The following LPIN1 variants were observed in gnomAD, a reference collection of about 807,000 sequenced individuals.
LPIN1 encodes the protein phosphatidate phosphatase LPIN1.
Under a neutral mutation model 107.5 loss-of-function variants are expected in LPIN1, and 71 were observed. The ratio of observed to expected loss-of-function variants is 0.66; its 90% CI spans 0.55 to 0.80. The LOEUF is 0.80. Ranked by LOEUF, LPIN1 falls within the 30% of genes least tolerant of loss-of-function variation. The pLI is 0.00. For missense variants in LPIN1, 1,043 were observed against 1,160.6 expected, an observed-to-expected ratio of 0.90 and a Z score of 1.47; for synonymous variants, 445 against 452.6, an observed-to-expected ratio of 0.98 and a Z score of 0.21.
chr2:11,693,226 G>A (rs1662360875), intron 1 of LPIN1, among the ~76,000 whole-genome samples: 1 of 141,472 alleles, frequency 7.1e-6, no homozygotes, highest in African/African-American at 2.8e-5. Context: ...TTTTTGAGAT[G>A]ATGGAATCCT....
intron 1 of LPIN1, among the ~76,000 whole-genome samples, chr2:11,684,392 G>C (rs934173077): frequency 1.2e-4 from 19 of 152,070 alleles, no homozygotes; most frequent in Admixed American, 9.8e-4. Flanking sequence ...TGCCCAAACT[G>C]ATCTTGAACT....
At chr2:11,760,800 G>C (rs563936774) in intron 1 of LPIN1, among the ~76,000 whole-genome samples, 1 of 152,142 alleles carries the variant, frequency 6.6e-6, no homozygotes, top group Non-Finnish European at 1.5e-5. Context: ...ACAGTAGTTC[G>C]TAGATGTGCT....
chr2:11,814,991 T>A (rs1459300710), intron 17 of LPIN1, 97 bp from the exon 18 acceptor site: 9 of 1,168,738 alleles, frequency 7.7e-6, no homozygotes, highest in Middle Eastern at 1.9e-4. Context: ...CTTGAAACAG[T>A]GCCATTCTCC....
rs1558297645 is a variant in LPIN1 at position 11,814,511 on chromosome 2, C to CGT, written c.2250-577_2250-576insGT. On this transcript the variant is annotated intron_variant, in intron 17 of 20. Transcript: ENST00000674199. The stretch of plus-strand genomic sequence containing the variant: ...GACTAAGGATGTTTTGGTGTGTGTG[C>CGT]ATGTGTGTGTGTGTGTGTGTGTGTG... Among the ~76,000 whole-genome samples, 20 of 94,934 alleles carry CGT rather than the reference C, an allele frequency of 2.1e-4. No homozygotes were observed. In the Middle Eastern group the frequency reaches 0.015, roughly 71 times the overall value. The allele number at this position is 94,934 out of a possible 152,430, so 62.3% of individuals were successfully genotyped here.
chr2:11,740,807 C>A (rs1265915923), intron 1 of LPIN1, among the ~76,000 whole-genome samples: 1 of 151,866 alleles, frequency 6.6e-6, no homozygotes, highest in African/African-American at 2.4e-5. Context: ...AATTTGAAGC[C>A]ATCTTCCCAG....
At chr2:11,817,944 A>C (rs955940207) in intron 18 of LPIN1, 1 of 150,358 alleles carries the variant, frequency 6.7e-6, no homozygotes. Flanking sequence ...AAAAAAAAAA[A>C]AAAAAAAAAA....
rs1027203597 is a variant in LPIN1, at chr2:11,697,215, A to G, written c.82-16541A>G. The stretch of plus-strand genomic sequence containing the variant: ...TGCCACTCAAATAGGCAGCCCTGCA[A>G]TCGGAGGGCTGCGTGCTCCCCCTGA... On this transcript the variant is annotated intron_variant, in intron 1 of 21. Coordinates refer to the LPIN1 transcript ENST00000449576. This position sits in a 1 kb window ranked among gnomAD's most constrained non-coding sequence, Gnocchi z 4.6. Among the ~76,000 whole-genome samples the G allele has an allele frequency of 2.0e-5, 3 of 152,188 alleles. No homozygotes were observed. Among genetic ancestry groups the G allele is most frequent in the African/African-American group, 7.2e-5 (3 of 41,456 alleles).
intron 8 of LPIN1, among the ~76,000 whole-genome samples, chr2:11,782,978 T>G (rs1226612068): frequency 1.3e-5 from 2 of 152,254 alleles, no homozygotes; most frequent in African/African-American, 4.8e-5. Flanking sequence ...ATGTGCTGTC[T>G]GAGATCAAGA....
intron 1 of LPIN1, among the ~76,000 whole-genome samples, chr2:11,748,656 G>A (rs1045700925): frequency 6.6e-6 from 1 of 152,172 alleles, no homozygotes; most frequent in East Asian, 1.9e-4. Flanking sequence ...AATCATCCCT[G>A]TGGGACACCC....
chr2:11,748,614 C>T (rs1276059023), intron 1 of LPIN1, among the ~76,000 whole-genome samples: 1 of 152,198 alleles, frequency 6.6e-6, no homozygotes, highest in Non-Finnish European at 1.5e-5. Flanking sequence ...GGGGTTGGGA[C>T]AGTCCTGGCT....
chr2:11,678,252 C>G (rs183407783), intron 1 of LPIN1, among the ~76,000 whole-genome samples: 183 of 152,328 alleles, frequency 1.2e-3, no homozygotes, highest in South Asian at 1.2e-3. Flanking sequence ...AGATCTCATC[C>G]TAGCAGCCAA....
In LPIN1 at chr2:11,693,126, G is replaced by A. The variant is rs1397045102; in HGVS notation, c.81+15398G>A. Among the ~76,000 whole-genome samples the A allele has an allele frequency of 4.6e-5, 7 of 152,200 alleles. No individual in the cohort carries two copies. The South Asian group carries it at 8.3e-4, about 18-fold the overall frequency. On this transcript the variant is annotated intron_variant, in intron 1 of 21. Coordinates refer to the LPIN1 transcript ENST00000449576. ...AGAGAGTCGGAGAAATAGAAAAGGC[G>A]GGGCACTCGTCCTCAAGGTCCCAGC... is the stretch of plus-strand genomic sequence containing the variant.
chr2:11,789,379 G>T (rs888081694), intron 12 of LPIN1, among the ~76,000 whole-genome samples: 2 of 152,076 alleles, frequency 1.3e-5, no homozygotes, highest in Non-Finnish European at 2.9e-5. Context: ...ATGTATGTGT[G>T]TGCATGCGGG....
intron 1 of LPIN1, among the ~76,000 whole-genome samples, chr2:11,711,639 C>T (rs940015675): frequency 2.0e-5 from 3 of 152,170 alleles, no homozygotes; most frequent in African/African-American, 7.2e-5. Context: ...TGTACTTCAA[C>T]CCCCCAATCC....
At chr2:11,757,813 A>AAT (rs113318830) in intron 1 of LPIN1, among the ~76,000 whole-genome samples, 18 of 152,032 alleles carry the variant, frequency 1.2e-4, no homozygotes, top group African/African-American at 3.4e-4. Flanking sequence ...AAAAAAAAAA[A>AAT]GTTAATTGTG....
Position 11,764,096 on chromosome 2 carries a change from A to ATATATATATAC in LPIN1, c.-9-1429_-9-1428insTACTATATATA, listed in dbSNP as rs1434349534. The ATATATATATAC allele has an allele frequency of 2.3e-5, 3 of 128,714 alleles. No homozygotes were observed. The South Asian group carries it at 7.5e-4, about 32-fold the overall frequency. 8.0% of individuals were successfully genotyped at this position (128,714 alleles called of 1,614,324 possible). ...TGTGTGTGTATATATATATATATATATATATATACACACACACACACACAA... is the reference window on the plus strand; with the variant it reads ...TGTGTGTGTATATATATATATATATATATATATATACTATATATACACACACACACACACAA... On this transcript the variant is annotated intron_variant, in intron 1 of 20. Coordinates refer to ENST00000674199, the MANE Select transcript of LPIN1 (RefSeq NM_001349206.2).
chr2:11,719,407 A>G (rs1663968511), upstream of LPIN1, among the ~76,000 whole-genome samples: 1 of 152,162 alleles, frequency 6.6e-6, no homozygotes, highest in Non-Finnish European at 1.5e-5. Context: ...TGCCTGCTTG[A>G]GTTCTGTAGG....
intron 1 of LPIN1, among the ~76,000 whole-genome samples, chr2:11,699,952 G>A (rs191406741): frequency 2.0e-5 from 3 of 152,202 alleles, no homozygotes; most frequent in African/African-American, 7.2e-5. Flanking sequence ...AAAAAAATGG[G>A]ATGTAATACC....
chr2:11,761,943 T>TAATTC (rs948856137), intron 1 of LPIN1, among the ~76,000 whole-genome samples: 32 of 152,240 alleles, frequency 2.1e-4, no homozygotes, highest in Admixed American at 1.4e-3. Flanking sequence ...TGGGTGCCTA[T>TAATTC]AATTCAATTC....
Sources: allele counts gnomAD v4.1 joint callset (sites outside exome capture counted in the v4.1 genomes callset), GRCh38; gene constraint gnomAD v4.1.1; non-coding constraint Gnocchi (gnomAD v3.1); transcripts MANE v1.5; gene names NCBI Gene and HGNC (gene_info 2026-07-23, HGNC 2026-07-21).